PAPPA2: variants seen among roughly 807,000 people sequenced by gnomAD.
The protein encoded by PAPPA2 is pappalysin-2.
PAPPA2 carries 86 observed loss-of-function variants against 176.4 expected under a neutral mutation model. The observed-to-expected ratio is 0.49, with a 90% CI of 0.41 to 0.58. PAPPA2 has a LOEUF of 0.58. PAPPA2 is among the 20% of genes least tolerant of loss of function. PAPPA2 has a pLI of 0.00. For missense variants in PAPPA2, 2,073 were observed against 2,256.9 expected (o/e 0.92, Z 1.65); for synonymous variants, 809 against 852.2 (o/e 0.95, Z 0.88).
intron 3 of PAPPA2, among the ~76,000 whole-genome samples, chr1:176,633,492 G>C (rs1656475121): frequency 2.0e-5 from 3 of 152,222 alleles, no homozygotes; most frequent in Admixed American, 6.5e-5. Flanking sequence ...GGAACAATTA[G>C]TGGTTATGAA....
chr1:176,506,661 T>C (rs1250805319), intron 1 of PAPPA2, among the ~76,000 whole-genome samples: 4 of 152,150 alleles, frequency 2.6e-5, no homozygotes, highest in African/African-American at 9.6e-5. Context: ...CTAATCACTA[T>C]TGGTGTATAG....
At chr1:176,820,609 G>T (rs1393181430) in intron 21 of PAPPA2, among the ~76,000 whole-genome samples, 1 of 152,070 alleles carries the variant, frequency 6.6e-6, no homozygotes, top group Non-Finnish European at 1.5e-5. Flanking sequence ...GTCATGCATG[G>T]CATTTTCTTC....
chr1:176,541,719 A>C (rs1230312386), intron 1 of PAPPA2, among the ~76,000 whole-genome samples: 1 of 152,220 alleles, frequency 6.6e-6, no homozygotes, highest in Non-Finnish European at 1.5e-5. Context: ...GTACTCTTTA[A>C]ATATACATTC....
intron 12 of PAPPA2, among the ~76,000 whole-genome samples, chr1:176,728,073 G>C (rs1661967413): frequency 6.6e-6 from 1 of 151,858 alleles, no homozygotes. Context: ...TCAACAATCA[G>C]AGTTTCTACC....
intron 3 of PAPPA2, among the ~76,000 whole-genome samples, chr1:176,655,409 A>T (rs1224577854): frequency 6.6e-6 from 1 of 151,868 alleles, no homozygotes; most frequent in African/African-American, 2.4e-5. Context: ...TCTATAAGAA[A>T]TTCAAACAAC....
intron 1 of PAPPA2, among the ~76,000 whole-genome samples, chr1:176,518,879 T>C (rs1649064908): frequency 6.6e-6 from 1 of 151,988 alleles, no homozygotes; most frequent in Admixed American, 6.6e-5. Flanking sequence ...AAAAGCAACT[T>C]AAAGGGCACT....
chr1:176,476,566 G>T (rs6425386), intron 1 of PAPPA2, among the ~76,000 whole-genome samples: 74,369 of 152,014 alleles, frequency 0.49, 20,311 homozygotes, highest in African/African-American at 0.74. Context: ...TGTCTGGCAC[G>T]CCTGCCTAGA....
intron 1 of PAPPA2, among the ~76,000 whole-genome samples, chr1:176,516,178 C>A (rs572073516): frequency 1.3e-5 from 2 of 152,168 alleles, no homozygotes; most frequent in South Asian, 2.1e-4. Flanking sequence ...ATTCAGATCT[C>A]CCCCAAGCTC....
chr1:176,595,589 C>T lies in PAPPA2; in HGVS notation c.1985C>T (p.Pro662Leu). Residue 662 changes from proline (P) to leucine (L), a missense_variant, in exon 3 of 23, where the codon CCC becomes CTC. Pro to Leu is a moderately conservative substitution (Grantham distance 98). Coordinates refer to ENST00000367662, the MANE Select transcript of PAPPA2 (RefSeq NM_020318.3). ...AAGACCTGCTTTGACCCTGACTCAC[C>T]CAAGAGGTAAGGGACTGGGATTTGG... is the stretch of plus-strand genomic sequence containing the variant. ...VRKTCFDPDS[P>L]KRAYMSVKEL... 6.2e-7 allele frequency: 1 copy of T among 1,609,016 alleles called. No homozygotes were observed. Among genetic ancestry groups the T allele is most frequent in the Non-Finnish European group, 8.5e-7 (1 of 1,176,826 alleles).
intron 17 of PAPPA2, among the ~76,000 whole-genome samples, chr1:176,789,547 TATA>T (rs1571330278): frequency 6.6e-6 from 1 of 152,126 alleles, no homozygotes; most frequent in African/African-American, 2.4e-5. Flanking sequence ...AAACTTAAAG[TATA>T]ATAATAATAA....
intron 3 of PAPPA2, among the ~76,000 whole-genome samples, chr1:176,651,607 A>G (rs953378738): frequency 1.1e-4 from 17 of 151,644 alleles, no homozygotes; most frequent in African/African-American, 4.1e-4. Context: ...ATTTGGTTCA[A>G]TTCTATTTGG....
intron 21 of PAPPA2, among the ~76,000 whole-genome samples, chr1:176,831,900 T>G (rs1667093725): frequency 1.3e-5 from 2 of 152,300 alleles, no homozygotes; most frequent in South Asian, 4.1e-4. Context: ...TTTTCTGTTT[T>G]TATAAGTTTC....
chr1:176,626,064 A>G (rs1291808870), intron 3 of PAPPA2, among the ~76,000 whole-genome samples: 1 of 152,116 alleles, frequency 6.6e-6, no homozygotes, highest in Non-Finnish European at 1.5e-5. Context: ...ACAAAATACC[A>G]CATAACTGCA....
intron 4 of PAPPA2, among the ~76,000 whole-genome samples, chr1:176,673,617 T>C (rs1659131602): frequency 6.6e-6 from 1 of 152,142 alleles, no homozygotes; most frequent in Non-Finnish European, 1.5e-5. Context: ...TGATAAGAAT[T>C]GTTGGGCTGG....
At chr1:176,828,354 T>C (rs1666938076) in intron 21 of PAPPA2, among the ~76,000 whole-genome samples, 1 of 152,188 alleles carries the variant, frequency 6.6e-6, no homozygotes, top group Non-Finnish European at 1.5e-5. Flanking sequence ...TTTGCTTCTA[T>C]ATAATGGTTT....
chr1:176,814,549 G>A (rs1469065570), intron 21 of PAPPA2, among the ~76,000 whole-genome samples: 1 of 151,944 alleles, frequency 6.6e-6, no homozygotes, highest in African/African-American at 2.4e-5. Context: ...TGTAGTAATT[G>A]TGAATGAAAG....
intron 3 of PAPPA2, among the ~76,000 whole-genome samples, chr1:176,608,919 A>G (rs1654761492): frequency 6.6e-6 from 1 of 152,092 alleles, no homozygotes; most frequent in Non-Finnish European, 1.5e-5. Flanking sequence ...TTTTCAGTGG[A>G]GGGATGATCA....
chr1:176,491,936 A>G (rs554583463), intron 1 of PAPPA2, among the ~76,000 whole-genome samples: 3 of 152,342 alleles, frequency 2.0e-5, no homozygotes, highest in African/African-American at 4.8e-5. Flanking sequence ...AGGACTTCCA[A>G]TTCTATGCCC....
intron 21 of PAPPA2, among the ~76,000 whole-genome samples, chr1:176,839,020 A>T (rs1419223309): frequency 1.3e-5 from 2 of 152,250 alleles, no homozygotes; most frequent in Non-Finnish European, 2.9e-5. Flanking sequence ...TCATCAAAAC[A>T]TGGTAAAATA....
Sources: allele counts gnomAD v4.1 joint callset (sites outside exome capture counted in the v4.1 genomes callset), GRCh38; gene constraint gnomAD v4.1.1; transcripts MANE v1.5; gene names NCBI Gene and HGNC (gene_info 2026-07-23, HGNC 2026-07-21).